Variants in PRKG1 observed in about 807,000 individuals in gnomAD.
PRKG1 encodes cGMP-dependent protein kinase 1.
A neutral mutation model predicts 88.1 loss-of-function variants in PRKG1; 35 were observed. The ratio of observed to expected loss-of-function variants is 0.40; its 90% CI spans 0.30 to 0.53. The LOEUF is 0.53. Among genes scored for constraint, PRKG1 ranks in the 20% least tolerant of loss-of-function variants. The pLI is 0.59. For missense variants in PRKG1, 540 were observed against 839.8 expected (o/e 0.64, Z 4.41); for synonymous variants, 303 against 292.5 (o/e 1.04, Z -0.37).
At chr10:51,399,264 A>G (rs1837667618) in intron 2 of PRKG1, among the ~76,000 whole-genome samples, 1 of 152,162 alleles carries the variant, frequency 6.6e-6, no homozygotes, top group Admixed American at 6.5e-5. Flanking sequence ...GGAATTTCAT[A>G]TGATACATAG....
At chr10:51,458,445 A>C (rs1190887050) in intron 2 of PRKG1, among the ~76,000 whole-genome samples, 1 of 148,496 alleles carries the variant, frequency 6.7e-6, no homozygotes, top group Non-Finnish European at 1.5e-5. Context: ...TTTTTTTTTT[A>C]CAACCAGATA....
At chr10:52,143,432 C>T (rs1460971220) in intron 8 of PRKG1, among the ~76,000 whole-genome samples, 3 of 152,192 alleles carry the variant, frequency 2.0e-5, no homozygotes, top group African/African-American at 7.2e-5. Context: ...CATTCAAAAG[C>T]ATGCCCTGAG....
chr10:52,123,406 G>A (rs1250359390), intron 7 of PRKG1, among the ~76,000 whole-genome samples: 3 of 151,950 alleles, frequency 2.0e-5, no homozygotes, highest in Admixed American at 1.3e-4. Flanking sequence ...GTCTCTTTTG[G>A]GTCATGTTAC....
intron 1 of PRKG1, among the ~76,000 whole-genome samples, chr10:51,123,261 C>T (rs987552482): frequency 4.6e-5 from 7 of 152,112 alleles, no homozygotes; most frequent in Non-Finnish European, 1.0e-4. Flanking sequence ...TAATTAACCT[C>T]GTTCTTTAAA....
chr10:51,609,755 C>T lies in PRKG1; in HGVS notation c.592+141919C>T, dbSNP rs551177968. ...CACAGGAACAGAAAACCAAGCACCA[C>T]GTGTTCTCACTTTTTAGTGGGAGCC... On this transcript the variant is annotated intron_variant, in intron 3 of 17. Transcript: ENST00000373980. Among the ~76,000 whole-genome samples the T allele has an allele frequency of 8.7e-4, 132 of 152,274 alleles. 1 individual carries two copies. Among genetic ancestry groups the T allele is most frequent in the Middle Eastern group, 6.8e-3 (2 of 294 alleles).
chr10:51,900,089 A>G (rs1841947785), intron 4 of PRKG1, among the ~76,000 whole-genome samples: 2 of 152,150 alleles, frequency 1.3e-5, no homozygotes, highest in Non-Finnish European at 2.9e-5. Flanking sequence ...ATTAGCCCAT[A>G]GAAACTTCTT....
intron 4 of PRKG1, among the ~76,000 whole-genome samples, chr10:51,823,766 G>C (rs1839810569): frequency 6.7e-6 from 1 of 149,210 alleles, no homozygotes; most frequent in Non-Finnish European, 1.5e-5. Flanking sequence ...GTATTCCATA[G>C]AAATGTTGAA....
chr10:51,701,657 G>A (rs573972980), intron 3 of PRKG1, among the ~76,000 whole-genome samples: 149 of 150,106 alleles, frequency 9.9e-4, no homozygotes, highest in Non-Finnish European at 1.9e-3. Context: ...TTTACAAAGA[G>A]AAGGCATACC....
At chr10:52,027,743 A>T (rs1003166662) in intron 5 of PRKG1, among the ~76,000 whole-genome samples, 1 of 152,162 alleles carries the variant, frequency 6.6e-6, no homozygotes, top group Admixed American at 6.5e-5. Context: ...GATTAACTAA[A>T]TTGGAACTTT....
chr10:51,973,276 T>G (rs1417079979), intron 5 of PRKG1, among the ~76,000 whole-genome samples: 1 of 152,198 alleles, frequency 6.6e-6, no homozygotes, highest in East Asian at 1.9e-4. Flanking sequence ...TTGCTGTTAC[T>G]CAGCAGTCTG....
rs112245963 is a variant in PRKG1, at chr10:51,658,458, G to C, written c.593-146127G>C. Among the ~76,000 whole-genome samples the C allele has an allele frequency of 2.3e-3, 349 of 152,090 alleles. 2 individuals carry two copies. Among genetic ancestry groups the C allele is most frequent in the African/African-American group, 7.5e-3 (313 of 41,482 alleles). On this transcript the variant is annotated intron_variant, in intron 3 of 17. Coordinates refer to ENST00000373980, the MANE Select transcript of PRKG1 (RefSeq NM_006258.4). ...GACAAATGTCCCTTCCAGATCCTAGGGGGCAGGTGACATGAAAAGTAGCCC... is the reference window on the plus strand; with the variant it reads ...GACAAATGTCCCTTCCAGATCCTAGCGGGCAGGTGACATGAAAAGTAGCCC...
chr10:52,288,886 A>G (rs771491853), intron 15 of PRKG1, 38 bp downstream of exon 15: 2 of 1,594,500 alleles, frequency 1.3e-6, no homozygotes, highest in Admixed American at 1.7e-5. Context: ...AAAACATCAT[A>G]ATGTGAAAAA....
At chr10:52,230,030 T>C (rs1347490385) in intron 9 of PRKG1, among the ~76,000 whole-genome samples, 3 of 152,228 alleles carry the variant, frequency 2.0e-5, no homozygotes, top group East Asian at 3.9e-4. Context: ...AAAAAAAGCA[T>C]AAATTGCAAT....
At chr10:51,410,360 G>T (rs1007630841) in intron 2 of PRKG1, among the ~76,000 whole-genome samples, 2 of 151,706 alleles carry the variant, frequency 1.3e-5, no homozygotes, top group African/African-American at 4.8e-5. Flanking sequence ...TACAAGCTGA[G>T]GAGCAAGGAG....
At chr10:51,344,037 A>G (rs888386169) in intron 2 of PRKG1, among the ~76,000 whole-genome samples, 2 of 152,194 alleles carry the variant, frequency 1.3e-5, no homozygotes, top group Non-Finnish European at 2.9e-5. Flanking sequence ...TGGACTCTGT[A>G]TTAGGTCATT....
chr10:52,092,777 G>T (rs887636086), intron 7 of PRKG1, among the ~76,000 whole-genome samples: 10 of 152,124 alleles, frequency 6.6e-5, no homozygotes, highest in African/African-American at 1.2e-4. Flanking sequence ...TTTCTATTTT[G>T]TGTGTGTGTT....
At chr10:51,176,333 C>T (rs562335883) in intron 2 of PRKG1, among the ~76,000 whole-genome samples, 53 of 152,052 alleles carry the variant, frequency 3.5e-4, no homozygotes, top group African/African-American at 1.1e-3. Flanking sequence ...GCATTTTGCC[C>T]GTCAGGTGCA....
At chr10:52,175,510 A>G (rs761935538) in intron 9 of PRKG1, among the ~76,000 whole-genome samples, 51 of 152,110 alleles carry the variant, frequency 3.4e-4, no homozygotes, top group South Asian at 6.2e-4. Context: ...TTAAATGCCC[A>G]GTAGTGGGAT....
chr10:51,327,956 A>C (rs1331859202), intron 2 of PRKG1, among the ~76,000 whole-genome samples: 1 of 152,196 alleles, frequency 6.6e-6, no homozygotes, highest in Non-Finnish European at 1.5e-5. Context: ...ATGCATTACC[A>C]CAGGTAGTTA....
Sources: gnomAD v4.1 joint callset for allele counts (sites outside exome capture counted in the v4.1 genomes callset) on GRCh38, gnomAD v4.1.1 for gene constraint, MANE v1.5 for transcripts, NCBI Gene and HGNC (gene_info 2026-07-23, HGNC 2026-07-21) for gene names.